The following NPAS3 variants were observed in gnomAD, a reference collection of about 807,000 sequenced individuals.
NPAS3 encodes the protein neuronal PAS domain protein 3, also known as neuronal PAS domain-containing protein 3.
Under a neutral mutation model 73.1 loss-of-function variants are expected in NPAS3, and 14 were observed. The ratio of observed to expected loss-of-function variants is 0.19; its 90% CI spans 0.13 to 0.30. The LOEUF (loss-of-function observed/expected upper bound fraction) is 0.30, where lower values mean the gene tolerates loss of function less well. Among genes scored for constraint, NPAS3 ranks in the 10% least tolerant of loss-of-function variants. The pLI is 1.00. For missense variants in NPAS3, 1,096 were observed against 1,250.0 expected, an observed-to-expected ratio of 0.88 and a Z score of 1.86; for synonymous variants, 620 against 541.5, an observed-to-expected ratio of 1.14 and a Z score of -2.01.
At chr14:33,565,130 A>G (rs998941691) in intron 5 of NPAS3, among the ~76,000 whole-genome samples, 8 of 152,190 alleles carry the variant, frequency 5.3e-5, no homozygotes, top group African/African-American at 1.4e-4. Context: ...TTATAATAAG[A>G]GTTAATAGAG....
intron 5 of NPAS3, among the ~76,000 whole-genome samples, chr14:33,606,966 T>C (rs147692370): frequency 1.3e-5 from 2 of 152,280 alleles, no homozygotes; most frequent in African/African-American, 4.8e-5. Flanking sequence ...ATAAAGCACA[T>C]AAATGATATT....
intron 3 of NPAS3, among the ~76,000 whole-genome samples, chr14:33,244,541 AT>A (rs1255765137): frequency 4.0e-5 from 6 of 151,888 alleles, no homozygotes; most frequent in Admixed American, 1.3e-4. Context: ...TTATCTGCAA[AT>A]TTTTTTGGTA....
intron 7 of NPAS3, among the ~76,000 whole-genome samples, chr14:33,768,562 G>A (rs995403725): frequency 1.3e-5 from 2 of 152,148 alleles, no homozygotes; most frequent in African/African-American, 2.4e-5. Flanking sequence ...AGGAGGAGGT[G>A]GGGTAATGCT....
At chr14:33,396,044 C>A (rs1472069931) in intron 4 of NPAS3, among the ~76,000 whole-genome samples, 1 of 152,130 alleles carries the variant, frequency 6.6e-6, no homozygotes, top group South Asian at 2.1e-4. Flanking sequence ...TCAGGACATC[C>A]AATTAACCTT....
intron 5 of NPAS3, among the ~76,000 whole-genome samples, chr14:33,606,230 C>A (rs1239880184): frequency 3.1e-5 from 4 of 129,564 alleles, no homozygotes; most frequent in Non-Finnish European, 6.5e-5. Flanking sequence ...CCCCTCCCCC[C>A]ACCCCACAAC....
At chr14:33,367,760 G>A (rs567833014) in intron 4 of NPAS3, among the ~76,000 whole-genome samples, 7 of 151,768 alleles carry the variant, frequency 4.6e-5, no homozygotes, top group South Asian at 2.1e-4. Context: ...AATTTCTCAC[G>A]GGAAAATATA....
chr14:33,119,838 G>T (rs2043177732), intron 2 of NPAS3, among the ~76,000 whole-genome samples: 1 of 152,124 alleles, frequency 6.6e-6, no homozygotes, highest in Non-Finnish European at 1.5e-5. Flanking sequence ...GGATGGTTCT[G>T]CTCTAGTTAG....
chr14:33,491,405 C>G (rs1012714067), intron 4 of NPAS3, among the ~76,000 whole-genome samples: 121 of 152,038 alleles, frequency 8.0e-4, no homozygotes, highest in Non-Finnish European at 1.5e-3. Flanking sequence ...TGTGAGGCCT[C>G]TGGATGGTGT....
chr14:33,544,838 T>C (rs2054759667), intron 4 of NPAS3, among the ~76,000 whole-genome samples: 2 of 131,778 alleles, frequency 1.5e-5, no homozygotes, highest in South Asian at 4.6e-4. Flanking sequence ...TGTGTATATA[T>C]ATATTATATA....
chr14:33,048,299 T>C (rs189920972), intron 1 of NPAS3, among the ~76,000 whole-genome samples: 205 of 152,364 alleles, frequency 1.3e-3, no homozygotes, highest in African/African-American at 4.1e-3. Context: ...CATAATACTT[T>C]AGTGCTGGGG....
chr14:33,607,692 G>GCC (rs1210951068), intron 5 of NPAS3, among the ~76,000 whole-genome samples: 31 of 152,268 alleles, frequency 2.0e-4, no homozygotes, highest in African/African-American at 5.8e-4. Context: ...TAATAGGATT[G>GCC]TTAGGAACAT....
At chr14:33,333,597 C>T (rs2044084484) in intron 3 of NPAS3, among the ~76,000 whole-genome samples, 1 of 151,568 alleles carries the variant, frequency 6.6e-6, no homozygotes, top group South Asian at 2.1e-4. Flanking sequence ...CTTTTTTTTC[C>T]TGGGAGTCCA....
intron 7 of NPAS3, among the ~76,000 whole-genome samples, chr14:33,735,924 C>T (rs1304019596): frequency 1.3e-5 from 2 of 152,192 alleles, no homozygotes; most frequent in African/African-American, 4.8e-5. Context: ...TCAAAATCTA[C>T]ATTATCATCA....
intron 2 of NPAS3, among the ~76,000 whole-genome samples, chr14:33,211,960 ATAACATTT>A (rs1045206444): frequency 1.3e-5 from 2 of 152,240 alleles, no homozygotes; most frequent in Admixed American, 1.3e-4. Context: ...GATCTGCACT[ATAACATTT>A]TACTCATGTA....
intron 4 of NPAS3, among the ~76,000 whole-genome samples, chr14:33,511,070 T>C (rs1185962721): frequency 6.6e-6 from 1 of 152,022 alleles, no homozygotes; most frequent in Non-Finnish European, 1.5e-5. Flanking sequence ...AGTTTCATAG[T>C]TCTTTTACTT....
At chr14:33,063,295 T>A (rs971879500) in intron 2 of NPAS3, among the ~76,000 whole-genome samples, 1 of 152,180 alleles carries the variant, frequency 6.6e-6, no homozygotes, top group Non-Finnish European at 1.5e-5. Context: ...TACAATAAAC[T>A]TATGCCTTAG....
At chr14:33,777,705 C>T (rs2062865343) in intron 8 of NPAS3, among the ~76,000 whole-genome samples, 2 of 152,170 alleles carry the variant, frequency 1.3e-5, no homozygotes, top group Admixed American at 6.5e-5. Context: ...GCGGATTCCC[C>T]CAACACGGTT....
chr14:33,773,939 C>G (rs1394503422), intron 7 of NPAS3, among the ~76,000 whole-genome samples: 1 of 152,172 alleles, frequency 6.6e-6, no homozygotes, highest in African/African-American at 2.4e-5. Flanking sequence ...AAGGAGATGG[C>G]CATGTAATCC....
Position 33,651,320 on chromosome 14 carries a change from C to T in NPAS3, c.559-24891C>T, listed in dbSNP as rs573369729. Among the ~76,000 whole-genome samples the T allele has an allele frequency of 1.3e-4, 20 of 152,238 alleles. No individual in the cohort carries two copies. In the South Asian group the frequency reaches 2.3e-3, roughly 17 times the overall value. ...CAGATCTGTCTTCTTCCTGGTACCC[C>T]GATCATACATAGGACATCACTGTTC... On this transcript the variant is annotated intron_variant, in intron 5 of 11. Coordinates refer to ENST00000356141, the Ensembl canonical transcript of NPAS3.
Sources: allele counts gnomAD v4.1 joint callset (sites outside exome capture counted in the v4.1 genomes callset), GRCh38; gene constraint gnomAD v4.1.1; transcripts MANE v1.5; gene names NCBI Gene and HGNC (gene_info 2026-07-23, HGNC 2026-07-21).